CCDC85A: variants seen among roughly 807,000 people sequenced by gnomAD.
The protein encoded by CCDC85A is coiled-coil domain-containing protein 85A.
CCDC85A carries 38 observed loss-of-function variants against 50.2 expected under a neutral mutation model. The observed-to-expected ratio is 0.76, with a 90% CI of 0.58 to 0.99. CCDC85A has a LOEUF of 0.99. Among genes scored for constraint, CCDC85A ranks in the 50% least tolerant of loss-of-function variants. The pLI is 0.00. For missense variants in CCDC85A, 820 were observed against 742.0 expected (o/e 1.11, Z -1.22); for synonymous variants, 366 against 301.4 (o/e 1.21, Z -2.22).
At chr2:56,290,387 A>G (rs1463541073) in intron 2 of CCDC85A, among the ~76,000 whole-genome samples, 1 of 152,124 alleles carries the variant, frequency 6.6e-6, no homozygotes, top group Non-Finnish European at 1.5e-5. Flanking sequence ...GGGGGTGGGA[A>G]AGAGAACAGG....
intron 5 of CCDC85A, 145 bp downstream of exon 5, chr2:56,376,080 TTTTG>T: frequency 1.2e-6 from 1 of 841,766 alleles, no homozygotes; most frequent in Non-Finnish European, 1.7e-6. Flanking sequence ...AAATCTTAAT[TTTTG>T]AAGTATGATT....
chr2:56,318,502 T>C (rs1304246256), intron 2 of CCDC85A, among the ~76,000 whole-genome samples: 2 of 152,118 alleles, frequency 1.3e-5, no homozygotes, highest in Non-Finnish European at 2.9e-5. Flanking sequence ...CATTTAAAGA[T>C]ATTTTTGTTT....
At chr2:56,329,202 A>G (rs79598369) in intron 2 of CCDC85A, among the ~76,000 whole-genome samples, 2,074 of 152,198 alleles carry the variant, frequency 0.014, 29 homozygotes, top group South Asian at 0.059. Flanking sequence ...CTCAAGTTCT[A>G]TTCTTGCCGC....
At chr2:56,235,176 C>T (rs937283005) in intron 2 of CCDC85A, 1 of 152,128 alleles carries the variant, frequency 6.6e-6, no homozygotes, top group Non-Finnish European at 1.5e-5. Flanking sequence ...AATCTGCAAG[C>T]TTGTCTAAAT....
chr2:56,187,017 C>G (rs963674263), intron 1 of CCDC85A, among the ~76,000 whole-genome samples: 1 of 152,180 alleles, frequency 6.6e-6, no homozygotes, highest in African/African-American at 2.4e-5. Flanking sequence ...TCCCAGGCTT[C>G]TGGCCCACCC....
chr2:56,190,358 C>G (rs1676244492), intron 1 of CCDC85A, among the ~76,000 whole-genome samples: 2 of 152,176 alleles, frequency 1.3e-5, no homozygotes, highest in African/African-American at 4.8e-5. Context: ...GGGAACTCTA[C>G]TAGTCATCTT....
At chr2:56,211,204 G>T (rs998731141) in intron 2 of CCDC85A, among the ~76,000 whole-genome samples, 2 of 152,090 alleles carry the variant, frequency 1.3e-5, no homozygotes, top group Non-Finnish European at 2.9e-5. Flanking sequence ...TTGGGGAAAA[G>T]AGTGGGAGGC....
intron 2 of CCDC85A, among the ~76,000 whole-genome samples, chr2:56,268,408 C>T (rs1415040611): frequency 6.6e-6 from 1 of 151,950 alleles, no homozygotes; most frequent in Admixed American, 6.6e-5. Flanking sequence ...TTGTGGCTAA[C>T]ACGGCTGAAA....
At position 56,199,622 on chromosome 2, in the gene CCDC85A, T is replaced by C. The variant is rs559271704; in HGVS notation, c.1240+6182T>C. Among the ~76,000 whole-genome samples, 12 of 152,298 alleles carry C rather than the reference T, an allele frequency of 7.9e-5. No individual in the cohort carries two copies. The South Asian group carries it at 2.5e-3, about 32-fold the overall frequency. On this transcript the variant is annotated intron_variant, in intron 2 of 5. Transcript: ENST00000407595. Reference sequence around the variant, plus strand: ...TTTCCAATCACTTCTAGTACTGCCATGATGTCAGCTGCACTCCTTGCTGAC... The same window carrying C: ...TTTCCAATCACTTCTAGTACTGCCACGATGTCAGCTGCACTCCTTGCTGAC...
At chr2:56,331,138 A>G (rs1490810518) in intron 2 of CCDC85A, among the ~76,000 whole-genome samples, 5 of 151,998 alleles carry the variant, frequency 3.3e-5, no homozygotes, top group Non-Finnish European at 4.4e-5. Flanking sequence ...AGAAAGGGAA[A>G]TACTACATGT....
intron 2 of CCDC85A, among the ~76,000 whole-genome samples, chr2:56,234,426 G>A (rs533625663): frequency 2.0e-5 from 3 of 152,076 alleles, no homozygotes; most frequent in African/African-American, 7.2e-5. Context: ...GGCTCCTCTC[G>A]AGCTTGCCTA....
chr2:56,268,586 T>C (rs1267581246), intron 2 of CCDC85A, among the ~76,000 whole-genome samples: 26 of 131,394 alleles, frequency 2.0e-4, no homozygotes, highest in African/African-American at 6.6e-4. Context: ...CAGAGCAAGA[T>C]TCCGTCTCAA....
chr2:56,195,857 G>A lies in CCDC85A; in HGVS notation c.1240+2417G>A, dbSNP rs773316614. The stretch of plus-strand genomic sequence containing the variant: ...AACAAAAAGCATGTGAAAACAAATG[G>A]GAAGTGTGTGTGCATTATGGCAGAC... On this transcript the variant is annotated intron_variant, in intron 2 of 5. Coordinates refer to ENST00000407595, the MANE Select transcript of CCDC85A (RefSeq NM_001080433.2). Among the ~76,000 whole-genome samples the A allele has an allele frequency of 2.6e-5, 4 of 152,094 alleles. No individual in the cohort carries two copies. The South Asian group carries it at 8.3e-4, about 32-fold the overall frequency.
chr2:56,302,175 G>A (rs1672240298), intron 2 of CCDC85A, among the ~76,000 whole-genome samples: 1 of 152,132 alleles, frequency 6.6e-6, no homozygotes, highest in African/African-American at 2.4e-5. Flanking sequence ...AGAATTACTT[G>A]AACCTGGGAG....
Position 56,384,695 on chromosome 2 carries a change from G to C in CCDC85A, c.*340G>C. The C allele has an allele frequency of 4.9e-6, 1 of 204,400 alleles. No individual in the cohort carries two copies. The highest frequency in any genetic ancestry group is 1.0e-5 in the Non-Finnish European group (1 of 97,680). 12.7% of individuals were successfully genotyped at this position (204,400 alleles called of 1,614,324 possible). A position where few individuals can be genotyped will look rare whatever the true frequency, so the allele number is the denominator to read the frequency against. ...ATATAATATTGTAATTGGGAAACCT[G>C]AATAGTTTTAAGAGTCCAGTGGAGC... On this transcript the variant is annotated 3_prime_UTR_variant, in exon 6 of 6. Coordinates refer to ENST00000407595, the MANE Select transcript of CCDC85A (RefSeq NM_001080433.2).
chr2:56,235,706 G>C (rs1377428832), intron 2 of CCDC85A, among the ~76,000 whole-genome samples: 20 of 152,156 alleles, frequency 1.3e-4, no homozygotes, highest in Admixed American at 1.3e-3. Flanking sequence ...TTCAATGTAA[G>C]TCCCATACAA....
intron 2 of CCDC85A, among the ~76,000 whole-genome samples, chr2:56,292,880 T>C (rs779226080): frequency 1.7e-4 from 26 of 152,206 alleles, no homozygotes; most frequent in Non-Finnish European, 3.4e-4. Context: ...CAAACCTATA[T>C]TGGCATCACT....
chr2:56,219,886 A>T (rs1419231732), intron 2 of CCDC85A, among the ~76,000 whole-genome samples: 1 of 151,996 alleles, frequency 6.6e-6, no homozygotes, highest in Non-Finnish European at 1.5e-5. Context: ...TCATGACACT[A>T]AAATATAGTA....
At chr2:56,323,817 T>C (rs1673337702) in intron 2 of CCDC85A, among the ~76,000 whole-genome samples, 1 of 152,062 alleles carries the variant, frequency 6.6e-6, no homozygotes, top group African/African-American at 2.4e-5. Context: ...TTGATAGCAA[T>C]GATAGGATAT....
Sources: gnomAD v4.1 joint callset for allele counts (sites outside exome capture counted in the v4.1 genomes callset) on GRCh38, gnomAD v4.1.1 for gene constraint, MANE v1.5 for transcripts, NCBI Gene and HGNC (gene_info 2026-07-23, HGNC 2026-07-21) for gene names.